KCNK2: variants seen among roughly 807,000 people sequenced by gnomAD.
KCNK2 encodes potassium channel subfamily K member 2.
Under a neutral mutation model 40.5 loss-of-function variants are expected in KCNK2, and 21 were observed. The observed-to-expected ratio is 0.52, with a 90% confidence interval of 0.37 to 0.75. KCNK2 has a LOEUF of 0.75. KCNK2 is among the 30% of genes least tolerant of loss of function. The pLI, the probability that KCNK2 is intolerant of heterozygous loss-of-function variation, is 0.00. For missense variants in KCNK2, 399 were observed against 531.6 expected (o/e 0.75, Z 2.45); for synonymous variants, 191 against 202.2 (o/e 0.94, Z 0.47).
intron 5 of KCNK2, among the ~76,000 whole-genome samples, chr1:215,185,858 C>T (rs1223361595): frequency 6.6e-6 from 1 of 152,146 alleles, no homozygotes; most frequent in Non-Finnish European, 1.5e-5. Context: ...GGTTCAGCTA[C>T]ATTGTTATAT....
chr1:215,091,171 A>T (rs1188565443), intron 2 of KCNK2, among the ~76,000 whole-genome samples: 1 of 152,190 alleles, frequency 6.6e-6, no homozygotes, highest in Admixed American at 6.5e-5. Context: ...ATGTGAAAGG[A>T]AACTTGATTT....
chr1:215,030,593 G>A (rs992085185), intron 1 of KCNK2, among the ~76,000 whole-genome samples: 10 of 151,478 alleles, frequency 6.6e-5, no homozygotes, highest in African/African-American at 1.7e-4. Flanking sequence ...GGAGTGTAGC[G>A]GTGTGATCAT....
chr1:215,230,009 C>T (rs997681543), intron 6 of KCNK2, among the ~76,000 whole-genome samples: 1 of 145,998 alleles, frequency 6.8e-6, no homozygotes, highest in African/African-American at 2.6e-5. Context: ...GATATGCACA[C>T]ACACAGATTA....
intron 6 of KCNK2, among the ~76,000 whole-genome samples, chr1:215,215,785 T>A (rs1384138415): frequency 6.6e-6 from 1 of 152,190 alleles, no homozygotes; most frequent in Non-Finnish European, 1.5e-5. Flanking sequence ...AAGTCATCAA[T>A]GGACACAGCT....
intron 2 of KCNK2, among the ~76,000 whole-genome samples, chr1:215,119,459 C>A (rs576968780): frequency 1.3e-5 from 2 of 152,204 alleles, no homozygotes; most frequent in East Asian, 3.9e-4. Context: ...TGAGTATAAG[C>A]CTCCTAGAGC....
chr1:215,085,487 T>G (rs1181600422), intron 1 of KCNK2, among the ~76,000 whole-genome samples: 4 of 152,240 alleles, frequency 2.6e-5, no homozygotes, highest in Admixed American at 6.5e-5. Flanking sequence ...CACCTCCGAC[T>G]ATATGGCAAT....
intron 3 of KCNK2, among the ~76,000 whole-genome samples, chr1:215,129,572 T>C (rs557548195): frequency 2.7e-4 from 41 of 152,008 alleles, no homozygotes; most frequent in African/African-American, 9.2e-4. Flanking sequence ...TGAAAATAAA[T>C]CAGCTATGTA....
At chr1:215,078,694 C>T (rs997252084), upstream of KCNK2, among the ~76,000 whole-genome samples, 6 of 152,164 alleles carry the variant, frequency 3.9e-5, no homozygotes, top group African/African-American at 4.8e-5. Flanking sequence ...CAGAGCCAAA[C>T]CATATCAGGA....
Position 215,083,209 on chromosome 1 carries a change from C to CCCCCCCG in KCNK2, c.-177_-176insCCCCCCG. On this transcript the variant is annotated 5_prime_UTR_variant, in exon 1 of 7. Coordinates refer to ENST00000444842, the MANE Select transcript of KCNK2 (RefSeq NM_001017425.3). ...CTTCTCACGCTCCCCCCCCCGCCCCCTCCCGCGTCCAGCCCCGCTCTCCCC... is the reference window on the plus strand; with the variant it reads ...CTTCTCACGCTCCCCCCCCCGCCCCCCCCCCCGTCCCGCGTCCAGCCCCGCTCTCCCC... 8.6e-7 allele frequency: 1 copy of CCCCCCCG among 1,165,592 alleles called. No individual in the cohort carries two copies. The highest frequency in any genetic ancestry group is 1.4e-5 in the South Asian group (1 of 73,966). 72.2% of individuals were successfully genotyped at this position (1,165,592 alleles called of 1,614,324 possible).
chr1:215,080,970 A>G (rs1659132497), upstream of KCNK2, among the ~76,000 whole-genome samples: 1 of 152,234 alleles, frequency 6.6e-6, no homozygotes, highest in South Asian at 2.1e-4. Flanking sequence ...GTGGGCCTAT[A>G]TCACAAGCAA....
At chr1:215,072,607 T>C (rs537013750) in intron 1 of KCNK2, among the ~76,000 whole-genome samples, 1 of 152,326 alleles carries the variant, frequency 6.6e-6, no homozygotes, top group Admixed American at 6.5e-5. Flanking sequence ...CTGATGAGAA[T>C]ATTTTCTCCA....
intron 6 of KCNK2, among the ~76,000 whole-genome samples, chr1:215,206,117 G>T (rs1489172769): frequency 6.6e-6 from 1 of 152,124 alleles, no homozygotes; most frequent in East Asian, 1.9e-4. Flanking sequence ...CTGTAAAAAG[G>T]CAGTTTCTGC....
chr1:215,083,786 A>T (rs1659295267), intron 1 of KCNK2: 1 of 366,314 alleles, frequency 2.7e-6, no homozygotes, highest in Non-Finnish European at 5.1e-6. Flanking sequence ...GCCTGGTGGG[A>T]CAGGCAGTGG....
chr1:215,129,053 A>G (rs1417567136), intron 3 of KCNK2, among the ~76,000 whole-genome samples: 1 of 152,166 alleles, frequency 6.6e-6, no homozygotes, highest in African/African-American at 2.4e-5. Flanking sequence ...GACTGGGATG[A>G]TTGGAGTTGG....
intron 6 of KCNK2, among the ~76,000 whole-genome samples, chr1:215,224,692 G>T (rs575875853): frequency 1.3e-4 from 20 of 152,210 alleles, no homozygotes; most frequent in African/African-American, 4.8e-4. Context: ...AAAACATTAT[G>T]CAAACATGAA....
At chr1:215,080,026 T>C (rs1171807128), upstream of KCNK2, among the ~76,000 whole-genome samples, 1 of 152,096 alleles carries the variant, frequency 6.6e-6, no homozygotes, top group East Asian at 1.9e-4. Context: ...ATGTGGGGCC[T>C]AATAATGAAA....
chr1:215,166,104 C>A (rs999228643), intron 3 of KCNK2, among the ~76,000 whole-genome samples: 1 of 152,096 alleles, frequency 6.6e-6, no homozygotes, highest in African/African-American at 2.4e-5. Context: ...TATTGAATTC[C>A]TTGTTATGTA....
At chr1:215,007,037 A>ATATATATATATATATT (rs1330420661) in intron 1 of KCNK2, among the ~76,000 whole-genome samples, 1 of 51,604 alleles carries the variant, frequency 1.9e-5, no homozygotes, top group Non-Finnish European at 4.3e-5. Flanking sequence ...ATATATATAT[A>ATATATATATATATATT]TGTGTGTGTG....
chr1:215,074,336 G>A (rs1209924123), intron 1 of KCNK2, among the ~76,000 whole-genome samples: 1 of 152,148 alleles, frequency 6.6e-6, no homozygotes, highest in East Asian at 1.9e-4. Flanking sequence ...TATATATAGG[G>A]TGAAGTCAAC....
Sources: allele counts gnomAD v4.1 joint callset (sites outside exome capture counted in the v4.1 genomes callset), GRCh38; gene constraint gnomAD v4.1.1; transcripts MANE v1.5; gene names NCBI Gene and HGNC (gene_info 2026-07-23, HGNC 2026-07-21).